Variants in SCN10A observed in about 807,000 individuals in gnomAD.
SCN10A encodes the protein sodium channel protein type 10 subunit alpha.
In SCN10A, 162 loss-of-function variants were observed where a neutral mutation model predicts 170.7. That is an observed-to-expected ratio of 0.95 (90% CI 0.84 to 1.08). The LOEUF (loss-of-function observed/expected upper bound fraction) is 1.08, where lower values mean the gene tolerates loss of function less well. Among genes scored for constraint, SCN10A ranks in the 50% least tolerant of loss-of-function variants. The pLI, the probability that SCN10A is intolerant of heterozygous loss-of-function variation, is 0.00. For synonymous variants in SCN10A, 985 were observed against 904.6 expected, an observed-to-expected ratio of 1.09 and a Z score of -1.59; for missense variants, 2,527 against 2,436.9, an observed-to-expected ratio of 1.04 and a Z score of -0.78.
rs1246444426 is a variant in SCN10A, at chr3:38,752,477, A to G, written c.1497T>C (p.Ala499=). The change falls in exon 12 of 28, where the codon GCT becomes GCC. Residue 499 remains alanine (A), a synonymous_variant. Transcript: ENST00000449082. ...GGAAATGGAACACACTGCCATGACT[A>G]GCCCGGCGTTTTCCAGAGGCGAGGC... The part of the protein sequence containing the change: ...FLGLASGKRR[A]SHGSVFHFRS... 2 of 1,604,590 alleles carry G rather than the reference A, an allele frequency of 1.2e-6. No homozygotes were observed. The highest frequency in any genetic ancestry group is 2.2e-5 in the South Asian group (2 of 89,806).
chr3:38,766,872 C>A (rs2063938775), intron 5 of SCN10A, among the ~76,000 whole-genome samples: 1 of 151,772 alleles, frequency 6.6e-6, no homozygotes, highest in Non-Finnish European at 1.5e-5. Context: ...ACTTTTTTTC[C>A]TTGGCAATTT....
At chr3:38,779,465 T>G (rs2064112942) in intron 4 of SCN10A, among the ~76,000 whole-genome samples, 1 of 152,072 alleles carries the variant, frequency 6.6e-6, no homozygotes, top group Admixed American at 6.6e-5. Context: ...ATAAAGGTCT[T>G]GTGCATATTT....
rs758774462 is a variant in SCN10A, at chr3:38,739,699, A to C, written c.2107-11T>G. 2 of 1,606,940 alleles carry C rather than the reference A, an allele frequency of 1.2e-6. No homozygotes were observed. The highest frequency in any genetic ancestry group is 2.2e-5 in the South Asian group (2 of 90,550). On this transcript the variant is annotated splice_polypyrimidine_tract_variant and intron_variant, in intron 14 of 27. Transcript: ENST00000449082. The stretch of plus-strand genomic sequence containing the variant: ...AAATATGGTAAAGACCTAGGAGTGG[A>C]AACAAGCTTTCATCACAGTGGGATC...
chr3:38,792,075 T>C lies in SCN10A; in HGVS notation c.364A>G (p.Thr122Ala), dbSNP rs2064289169. 6.2e-7 allele frequency: 1 copy of C among 1,613,626 alleles called. No individual in the cohort carries two copies. Among genetic ancestry groups the C allele is most frequent in the Non-Finnish European group, 8.5e-7 (1 of 1,179,804 alleles). Residue 122 changes from threonine to alanine, a missense_variant, in exon 3 of 28, where the codon ACG becomes GCG. Thr to Ala is a moderately conservative substitution (Grantham distance 58). Coordinates refer to ENST00000449082, the MANE Select transcript of SCN10A (RefSeq NM_006514.4). ...LFSPFNLIRR[T>A]AIKVSVHSWF... ...GAGTGGACAGACACTTTGATGGCCG[T>C]TCTTCTGATCAGGTTGAAAGGACTG...
At chr3:38,793,675 G>C (rs1575183737) in intron 2 of SCN10A, 66 bp downstream of exon 2, 8 of 1,549,448 alleles carry the variant, frequency 5.2e-6, no homozygotes, top group Non-Finnish European at 7.0e-6. Flanking sequence ...GGACTTTCTG[G>C]GCTGGGTGGG....
At chr3:38,795,347 CT>C (rs1219351048) in intron 1 of SCN10A, among the ~76,000 whole-genome samples, 44 of 127,814 alleles carry the variant, frequency 3.4e-4, no homozygotes, top group Non-Finnish European at 3.3e-4. Flanking sequence ...TTTTCTTTTT[CT>C]TTTTTTTTTT....
At chr3:38,767,925 T>C (rs4676597) in intron 5 of SCN10A, among the ~76,000 whole-genome samples, 32,266 of 152,064 alleles carry the variant, frequency 0.21, 4,140 homozygotes, top group Admixed American at 0.35. Flanking sequence ...GCTCCAGTGT[T>C]AGGTGCATAT....
chr3:38,755,785 T>G lies in SCN10A; in HGVS notation c.1461+3A>C, dbSNP rs2063796677. 1.2e-6 allele frequency: 2 copies of G among 1,613,394 alleles called. No homozygotes were observed. Among genetic ancestry groups the G allele is most frequent in the South Asian group, 2.2e-5 (2 of 91,036 alleles). Reference sequence around the variant, plus strand: ...CTTTAGAGCACAAACCTGAGCCTCTTACCATCCTGCGCTGGTTGTAAGGAT... The same window carrying G: ...CTTTAGAGCACAAACCTGAGCCTCTGACCATCCTGCGCTGGTTGTAAGGAT... On this transcript the variant is annotated splice_donor_region_variant and intron_variant, in intron 11 of 27. Transcript: ENST00000449082.
At position 38,702,884 on chromosome 3, in the gene SCN10A, A is replaced by G. The variant is rs80059486; in HGVS notation, c.4387-775T>C. On this transcript the variant is annotated intron_variant, in intron 26 of 27. Transcript: ENST00000449082. ...GTGTCTTTAAAAAGCTCCTACTGTG[A>G]TCTTCTCTTCTTTTAGTGCTGTGAA... Among the ~76,000 whole-genome samples the G allele has an allele frequency of 5.4e-3, 817 of 152,136 alleles. 10 individuals are homozygous for G. Among genetic ancestry groups the G allele is most frequent in the African/African-American group, 0.018 (759 of 41,494 alleles).
intron 4 of SCN10A, 39 bp from the exon 5 acceptor site, chr3:38,771,446 T>C: frequency 6.2e-7 from 1 of 1,608,644 alleles, no homozygotes. Context: ...AACTGTGCCA[T>C]GGAGTGTACT....
chr3:38,702,495 G>A (rs543047549), intron 26 of SCN10A, among the ~76,000 whole-genome samples: 1 of 152,246 alleles, frequency 6.6e-6, no homozygotes, highest in South Asian at 2.1e-4. Flanking sequence ...TGTCCCTTTG[G>A]GGATCCCACT....
intron 4 of SCN10A, among the ~76,000 whole-genome samples, chr3:38,788,091 T>C (rs59914178): frequency 3.4e-3 from 514 of 152,010 alleles, no homozygotes; most frequent in African/African-American, 0.012. Context: ...AAATTATAAA[T>C]GGAAATTAAA....
At chr3:38,779,276 A>G (rs1176707948) in intron 4 of SCN10A, among the ~76,000 whole-genome samples, 2 of 152,084 alleles carry the variant, frequency 1.3e-5, no homozygotes, top group African/African-American at 4.8e-5. Flanking sequence ...TGTTCAGCTA[A>G]TTTCTATAAA....
intron 23 of SCN10A, 28 bp downstream of exon 23, chr3:38,712,133 G>T (rs2063280614): frequency 2.5e-6 from 4 of 1,609,984 alleles, no homozygotes; most frequent in South Asian, 1.1e-5. Context: ...CAAAGCAAGA[G>T]ATATGGTTGA....
At chr3:38,718,603 A>G in intron 21 of SCN10A, 50 bp downstream of exon 21, 1 of 1,589,822 alleles carries the variant, frequency 6.3e-7, no homozygotes, top group Non-Finnish European at 8.6e-7. Flanking sequence ...TGTAGCCAGG[A>G]GTCAGAGGGG....
chr3:38,800,265 G>A (rs73064574), intron 1 of SCN10A, among the ~76,000 whole-genome samples: 19,532 of 152,182 alleles, frequency 0.13, 1,380 homozygotes, highest in African/African-American at 0.17. Flanking sequence ...CCAGTCCACA[G>A]TCTGGTGCTG....
chr3:38,805,456 A>G (rs947782631), intron 1 of SCN10A, among the ~76,000 whole-genome samples: 3 of 152,142 alleles, frequency 2.0e-5, no homozygotes. Flanking sequence ...GGTTTTGCAG[A>G]TGTGACCAGA....
At chr3:38,714,402 A>G (rs1354552926) in intron 21 of SCN10A, among the ~76,000 whole-genome samples, 2 of 152,238 alleles carry the variant, frequency 1.3e-5, no homozygotes, top group Admixed American at 6.5e-5. Flanking sequence ...GGCAGCAGTC[A>G]GGCCTCAACA....
At chr3:38,802,064 C>A (rs994367229) in intron 1 of SCN10A, among the ~76,000 whole-genome samples, 1 of 152,092 alleles carries the variant, frequency 6.6e-6, no homozygotes, top group Non-Finnish European at 1.5e-5. Context: ...ACTTCATAGC[C>A]ATTTTTCCAA....
Sources: gnomAD v4.1 joint callset for allele counts (sites outside exome capture counted in the v4.1 genomes callset) on GRCh38, gnomAD v4.1.1 for gene constraint, MANE v1.5 for transcripts, NCBI Gene and HGNC (gene_info 2026-07-23, HGNC 2026-07-21) for gene names.